ZNF396: variants seen among roughly 807,000 people sequenced by gnomAD.
ZNF396 encodes the protein zinc finger and SCAN domain-containing protein 14.
In ZNF396, 14 loss-of-function variants were observed where a neutral mutation model predicts 20.5. The observed-to-expected ratio is 0.68, with a 90% CI of 0.45 to 1.07. The LOEUF (loss-of-function observed/expected upper bound fraction) is 1.07, where lower values mean the gene tolerates loss of function less well. Among genes scored for constraint, ZNF396 ranks in the 50% least tolerant of loss-of-function variants. The pLI is 0.00. For synonymous variants in ZNF396, 119 were observed against 140.6 expected (o/e 0.85, Z 1.08); for missense variants, 347 against 390.1 (o/e 0.89, Z 0.93).
Position 35,373,921 on chromosome 18 carries a change from C to T in ZNF396, c.372G>A (p.Val124=). The T allele has an allele frequency of 6.2e-7, 1 of 1,614,132 alleles. No individual in the cohort carries two copies. Residue 124 remains valine, a synonymous_variant, in exon 2 of 4, where the codon GTG becomes GTA. Transcript: ENST00000589332. ...CTCTCTCCACATCCTCCAGCATAGT[C>T]ACAGTTTCCTCTCCATTCTCTGGAT... The part of the protein sequence containing the change: ...KHHPENGEET[V]TMLEDVEREL...
At chr18:35,370,540 T>C (rs2045161963) in intron 3 of ZNF396, among the ~76,000 whole-genome samples, 1 of 99,108 alleles carries the variant, frequency 1.0e-5, no homozygotes, top group Admixed American at 1.6e-4. Context: ...TGAGACGGAG[T>C]CTCGCTCTGT....
rs564556045 is a variant in ZNF396, at chr18:35,367,082, T to C, written c.*2133A>G. 5.5e-4 allele frequency: 84 copies of C among 152,332 alleles called. No individual in the cohort carries two copies. Among genetic ancestry groups the C allele is most frequent in the African/African-American group, 1.9e-3 (79 of 41,576 alleles). The allele number at this position is 152,332 out of a possible 1,614,324, so 9.4% of individuals were successfully genotyped here. ...CGTAATTAAGCAGTAATTCACAATA[T>C]ATACATCTCTGAGGCACTTGTTGTT... On this transcript the variant is annotated 3_prime_UTR_variant, in exon 4 of 4. Coordinates refer to ENST00000589332, the MANE Select transcript of ZNF396 (RefSeq NM_001322286.2).
At position 35,369,271 on chromosome 18, in the gene ZNF396, G is replaced by A; in HGVS notation, c.952C>T (p.Gln318Ter). The A allele has an allele frequency of 6.2e-7, 1 of 1,613,470 alleles. No individual in the cohort carries two copies. Among genetic ancestry groups the A allele is most frequent in the African/African-American group, 1.3e-5 (1 of 74,968 alleles). The change falls in exon 4 of 4, where the codon CAG becomes TAG. Residue 318 changes from glutamine to a stop codon, truncating the protein, a stop_gained. Transcript: ENST00000589332. LOFTEE classifies it low-confidence loss of function (END_TRUNC). ...CTATGTCTAAAAAGATTTGAGCTCTGACTAAAGGCTTTGCCACAGTCATGA... is the reference window on the plus strand; with the variant it reads ...CTATGTCTAAAAAGATTTGAGCTCTAACTAAAGGCTTTGCCACAGTCATGA... ...KCHDCGKAFS[Q>*]SSNLFRHRKR...
rs2045109219 is a variant in ZNF396, at chr18:35,367,249, C to A, written c.*1966G>T. ...TAGAGCTACAAATCATAATCACTAT[C>A]AGAAAATTCTATAATAAAATTTACA... On this transcript the variant is annotated 3_prime_UTR_variant, in exon 4 of 4. Transcript: ENST00000589332. 6.6e-6 allele frequency: 1 copy of A among 152,174 alleles called. No individual in the cohort carries two copies. The highest frequency in any genetic ancestry group is 1.5e-5 in the Non-Finnish European group (1 of 68,028). The allele number at this position is 152,174 out of a possible 1,614,324, so 9.4% of individuals were successfully genotyped here.
intron 3 of ZNF396, among the ~76,000 whole-genome samples, chr18:35,370,324 C>T (rs2909341): frequency 0.87 from 131,783 of 151,984 alleles, 57,855 homozygotes; most frequent in Non-Finnish European, 0.91. Flanking sequence ...CCATGAAAAA[C>T]GTACATGGCT....
Position 35,369,588 on chromosome 18 carries a change from C to A in ZNF396, c.635G>T (p.Cys212Phe). 6.2e-7 allele frequency: 1 copy of A among 1,614,126 alleles called. No individual in the cohort carries two copies. The highest frequency in any genetic ancestry group is 8.5e-7 in the Non-Finnish European group (1 of 1,180,034). ...CATATGAAGGATATTGGAAACATTG[C>A]AATGCAGTTCTATGCCTAAAGAAGT... is the stretch of plus-strand genomic sequence containing the variant. ...QKTSLGIELHCNVSNILHMNG... is the reference protein window; with the variant it reads ...QKTSLGIELHFNVSNILHMNG... The change falls in exon 4 of 4, where the codon TGC becomes TTC. Residue 212 changes from cysteine to phenylalanine, a missense_variant. Coordinates refer to ENST00000589332, the MANE Select transcript of ZNF396 (RefSeq NM_001322286.2).
Position 35,369,637 on chromosome 18 carries a change from CA to C in ZNF396, c.585del (p.Asn195LysfsTer2), listed in dbSNP as rs1409634091. 6.2e-7 allele frequency: 1 copy of C among 1,601,296 alleles called. No individual in the cohort carries two copies. The highest frequency in any genetic ancestry group is 1.4e-5 in the African/African-American group (1 of 74,054). ...RPHDEDIKTT[N>X]VKSASRQKTS... ...GTCTTTTGCCTTGAAGCAGATTTCA[CA>C]TTTGTAGTTTTGATGTCTTCATCTG... On this transcript the variant is annotated frameshift_variant, in exon 4 of 4. Coordinates refer to ENST00000589332, the MANE Select transcript of ZNF396 (RefSeq NM_001322286.2). LOFTEE classifies it low-confidence loss of function (END_TRUNC).
At chr18:35,371,344 C>T (rs1029668195) in intron 3 of ZNF396, among the ~76,000 whole-genome samples, 6 of 152,126 alleles carry the variant, frequency 3.9e-5, no homozygotes, top group African/African-American at 1.4e-4. Context: ...ATAGTTATTA[C>T]AAAAGGAATT....
In ZNF396 at chr18:35,374,171, T is replaced by G. The variant is rs1259373273; in HGVS notation, c.122A>C (p.His41Pro). The change falls in exon 2 of 4, where the codon CAC becomes CCC. Residue 41 changes from histidine (H) to proline (P), a missense_variant. By Grantham distance (77) the His-to-Pro change is moderately conservative (BLOSUM62 -2). Transcript: ENST00000589332. This position sits in a 1 kb window ranked among gnomAD's most constrained non-coding sequence, Gnocchi z 4.3. ...EQTCDPDSSL[H>P]WSSSYSPETF... ...CTCTGGGCTGTAGCTGCTGCTCCAG[T>G]GGAGGCTAGAGTCTGGATCACAGGT... is the stretch of plus-strand genomic sequence containing the variant. The G allele has an allele frequency of 2.5e-5, 41 of 1,614,126 alleles. No individual in the cohort carries two copies. The highest frequency in any genetic ancestry group is 3.3e-5 in the Non-Finnish European group (39 of 1,180,042).
chr18:35,369,900 A>G (rs1361485505), intron 3 of ZNF396, among the ~76,000 whole-genome samples: 1 of 152,236 alleles, frequency 6.6e-6, no homozygotes, highest in East Asian at 1.9e-4. Flanking sequence ...AAGGATAAAA[A>G]GATATGTCAG....
intron 3 of ZNF396, among the ~76,000 whole-genome samples, chr18:35,369,905 T>C (rs749952370): frequency 1.6e-4 from 25 of 152,042 alleles, no homozygotes; most frequent in Non-Finnish European, 3.2e-4. Flanking sequence ...TAAAAAGATA[T>C]GTCAGAGACT....
chr18:35,368,588 A>C lies in ZNF396; in HGVS notation c.*627T>G, dbSNP rs2045128187. ...TGCCTCAGCCTCCCTAGTAGCTGGG[A>C]TTACAGGTACACGTTGCCATGCCTG... is the stretch of plus-strand genomic sequence containing the variant. On this transcript the variant is annotated 3_prime_UTR_variant, in exon 4 of 4. Transcript: ENST00000589332. 2.2e-6 allele frequency: 1 copy of C among 461,476 alleles called. No homozygotes were observed. The highest frequency in any genetic ancestry group is 2.9e-6 in the Non-Finnish European group (1 of 339,442). The allele number at this position is 461,476 out of a possible 1,614,324, so 28.6% of individuals were successfully genotyped here.
At position 35,368,437 on chromosome 18, in the gene ZNF396, A is replaced by T. The variant is rs756687707; in HGVS notation, c.*778T>A. On this transcript the variant is annotated 3_prime_UTR_variant, in exon 4 of 4. Transcript: ENST00000589332. ...TGGGCCTCTGCAATCGCATGTTCAT[A>T]TTTTGAATCTAGTAACAGAAGACAA... is the stretch of plus-strand genomic sequence containing the variant. 1.4e-6 allele frequency: 2 copies of T among 1,397,232 alleles called. No individual in the cohort carries two copies. Among genetic ancestry groups the T allele is most frequent in the Non-Finnish European group, 1.9e-6 (2 of 1,068,254 alleles). 86.6% of individuals were successfully genotyped at this position (1,397,232 alleles called of 1,614,324 possible).
rs1207133270 is a variant in ZNF396 at position 35,369,564 on chromosome 18, A to C, written c.659T>G (p.Met220Arg). Residue 220 changes from methionine (M) to arginine (R), a missense_variant, in exon 4 of 4, where the codon ATG becomes AGG. Physicochemically the swap from Met to Arg is moderately conservative, Grantham distance 91. Transcript: ENST00000589332. ...ATATGTGGAACTCTGGGAGCCATTC[A>C]TATGAAGGATATTGGAAACATTGCA... is the stretch of plus-strand genomic sequence containing the variant. ...LHCNVSNILH[M>R]NGSQSSTYRG... is the part of the protein sequence containing the mutation. The C allele has an allele frequency of 1.9e-6, 3 of 1,614,136 alleles. No individual in the cohort carries two copies. Among genetic ancestry groups the C allele is most frequent in the Non-Finnish European group, 2.5e-6 (3 of 1,179,958 alleles).
intron 1 of ZNF396, among the ~76,000 whole-genome samples, chr18:35,375,535 G>A (rs765286326): frequency 1.3e-5 from 2 of 152,048 alleles, no homozygotes; most frequent in African/African-American, 2.4e-5. Context: ...AAGGAGAAGA[G>A]CAAATTCTGT....
In ZNF396 at chr18:35,373,931, T is replaced by C. The variant is rs527836273; in HGVS notation, c.362A>G (p.Glu121Gly). ...WVQKHHPENG[E>G]ETVTMLEDVE... ...ATCCTCCAGCATAGTCACAGTTTCC[T>C]CTCCATTCTCTGGATGATGCTTCTG... The change falls in exon 2 of 4, where the codon GAG (glutamate) becomes GGG (glycine). Residue 121 changes from glutamate (E) to glycine (G), a missense_variant. Physicochemically the swap from Glu to Gly is moderately conservative, Grantham distance 98. Coordinates refer to ENST00000589332, the MANE Select transcript of ZNF396 (RefSeq NM_001322286.2). 9.9e-6 allele frequency: 16 copies of C among 1,614,210 alleles called. No homozygotes were observed. In the East Asian group the frequency reaches 3.6e-4, roughly 36 times the overall value.
In ZNF396 at chr18:35,374,488, C is replaced by T; in HGVS notation, c.-72-124G>A. The T allele has an allele frequency of 2.0e-6, 1 of 497,658 alleles. No individual in the cohort carries two copies. The highest frequency in any genetic ancestry group is 3.5e-6 in the Non-Finnish European group (1 of 283,628). The allele number at this position is 497,658 out of a possible 1,614,324, so 30.8% of individuals were successfully genotyped here. ...TACTGACCTTAGTCTTAACAGAAAC[C>T]ATGCTTTTATTTATTTATTTATTTT... On this transcript the variant is annotated intron_variant, in intron 1 of 3. Transcript: ENST00000589332. The surrounding 1 kb of genome is among the most constrained non-coding windows in gnomAD (Gnocchi z 4.3).
intron 1 of ZNF396, among the ~76,000 whole-genome samples, chr18:35,377,001 C>T (rs1313311803): frequency 6.6e-6 from 1 of 152,144 alleles, no homozygotes; most frequent in Non-Finnish European, 1.5e-5. Flanking sequence ...AGGCTGGGAA[C>T]CGCCGGGGCG....
intron 1 of ZNF396, among the ~76,000 whole-genome samples, chr18:35,375,287 CAAAAA>C (rs386387385): frequency 3.6e-4 from 12 of 33,570 alleles, no homozygotes; most frequent in East Asian, 4.4e-4. Flanking sequence ...TCTACCCCAC[CAAAAA>C]AAAAAAAAAA....
Sources: allele counts gnomAD v4.1 joint callset (sites outside exome capture counted in the v4.1 genomes callset), GRCh38; gene constraint gnomAD v4.1.1; non-coding constraint Gnocchi (gnomAD v3.1); transcripts MANE v1.5; gene names NCBI Gene and HGNC (gene_info 2026-07-23, HGNC 2026-07-21).